Variants in EPHA6 observed in about 807,000 individuals in gnomAD.
EPHA6 encodes ephrin type-A receptor 6.
Under a neutral mutation model 112.0 loss-of-function variants are expected in EPHA6, and 50 were observed. That is an observed-to-expected ratio of 0.45 (90% CI 0.36 to 0.56). EPHA6 has a LOEUF of 0.56. Ranked by LOEUF, EPHA6 falls within the 20% of genes least tolerant of loss-of-function variation. The pLI, the probability that EPHA6 is intolerant of heterozygous loss-of-function variation, is 0.00. For missense variants in EPHA6, 1,280 were observed against 1,417.4 expected (o/e 0.90, Z 1.56); for synonymous variants, 529 against 490.7 (o/e 1.08, Z -1.03).
At chr3:96,933,972 C>T (rs1043009076) in intron 2 of EPHA6, among the ~76,000 whole-genome samples, 8 of 151,844 alleles carry the variant, frequency 5.3e-5, no homozygotes, top group African/African-American at 1.2e-4. Flanking sequence ...ATGAAAAAGG[C>T]TCTGAAGTGA....
chr3:97,257,981 T>C (rs1163119049), intron 5 of EPHA6, among the ~76,000 whole-genome samples: 8 of 152,054 alleles, frequency 5.3e-5, no homozygotes, highest in African/African-American at 1.9e-4. Context: ...TTTTTCTCTG[T>C]GTGGTGTGTT....
chr3:97,092,916 A>C (rs367969797), intron 3 of EPHA6, among the ~76,000 whole-genome samples: 1 of 152,114 alleles, frequency 6.6e-6, no homozygotes, highest in Non-Finnish European at 1.5e-5. Context: ...GCAGCTCTCC[A>C]ACACAGCATG....
intron 12 of EPHA6, among the ~76,000 whole-genome samples, chr3:97,610,166 C>T (rs1380397957): frequency 6.6e-6 from 1 of 151,554 alleles, no homozygotes; most frequent in Non-Finnish European, 1.5e-5. Flanking sequence ...CATCATTGCT[C>T]TGTTGATTAA....
Position 96,987,894 on chromosome 3 carries a change from A to C in EPHA6, c.1015A>C (p.Thr339Pro). Reference protein sequence around the residue: ...SCVKSAEERDTPKLYCGADGD... With the variant: ...SCVKSAEERDPPKLYCGADGD... Reference sequence around the variant, plus strand: ...TGTGAAGAGTGCTGAAGAGCGTGACACTCCTAAACTGTATTGTGGAGCTGA... The same window carrying C: ...TGTGAAGAGTGCTGAAGAGCGTGACCCTCCTAAACTGTATTGTGGAGCTGA... Residue 339 changes from threonine (T) to proline (P), a missense_variant, in exon 3 of 18, where the codon ACT (threonine) becomes CCT (proline). Thr to Pro is a conservative substitution (Grantham distance 38). Coordinates refer to ENST00000389672, the MANE Select transcript of EPHA6 (RefSeq NM_001080448.3). 6.2e-7 allele frequency: 1 copy of C among 1,613,624 alleles called. No individual in the cohort carries two copies. The highest frequency in any genetic ancestry group is 8.5e-7 in the Non-Finnish European group (1 of 1,179,784).
intron 1 of EPHA6, among the ~76,000 whole-genome samples, chr3:96,821,097 T>C (rs972279318): frequency 3.3e-5 from 5 of 151,978 alleles, no homozygotes; most frequent in Non-Finnish European, 5.9e-5. Flanking sequence ...GGATATGTGA[T>C]ATTTTTGGGG....
At chr3:96,956,914 TC>T (rs1446638219) in intron 2 of EPHA6, among the ~76,000 whole-genome samples, 1 of 151,664 alleles carries the variant, frequency 6.6e-6, no homozygotes, top group East Asian at 1.9e-4. Context: ...GTGCCTGTAG[TC>T]CCAGATACTC....
chr3:97,060,410 G>T (rs1014018930), intron 3 of EPHA6, among the ~76,000 whole-genome samples: 8 of 152,082 alleles, frequency 5.3e-5, no homozygotes, highest in African/African-American at 1.9e-4. Flanking sequence ...TTCATCAAAT[G>T]AACATATATA....
chr3:96,947,586 C>T (rs986489518), intron 2 of EPHA6, among the ~76,000 whole-genome samples: 3 of 152,098 alleles, frequency 2.0e-5, no homozygotes, highest in Non-Finnish European at 2.9e-5. Flanking sequence ...AAATCACAAG[C>T]ATTCTTATAC....
At chr3:97,636,125 G>A (rs2093942783) in intron 13 of EPHA6, among the ~76,000 whole-genome samples, 1 of 152,012 alleles carries the variant, frequency 6.6e-6, no homozygotes, top group Non-Finnish European at 1.5e-5. Flanking sequence ...TGTAGATAAG[G>A]AAACAGACAC....
chr3:96,995,686 A>T (rs1472200781), intron 3 of EPHA6, among the ~76,000 whole-genome samples: 1 of 152,188 alleles, frequency 6.6e-6, no homozygotes, highest in African/African-American at 2.4e-5. Flanking sequence ...TATTTACACT[A>T]TTATTGTCTA....
chr3:96,985,075 G>A (rs1346531348), intron 2 of EPHA6, among the ~76,000 whole-genome samples: 3 of 152,070 alleles, frequency 2.0e-5, no homozygotes, highest in Admixed American at 6.6e-5. Flanking sequence ...ACTGTCTGAC[G>A]AGCCCCATTG....
intron 5 of EPHA6, among the ~76,000 whole-genome samples, chr3:97,255,404 T>A (rs1279687365): frequency 6.6e-6 from 1 of 152,174 alleles, no homozygotes; most frequent in Admixed American, 6.6e-5. Flanking sequence ...TCCCAAATAA[T>A]GTGCAGGTAG....
At chr3:97,125,555 T>A (rs2048160957) in intron 3 of EPHA6, among the ~76,000 whole-genome samples, 1 of 152,206 alleles carries the variant, frequency 6.6e-6, no homozygotes, top group Non-Finnish European at 1.5e-5. Context: ...TTGATTTGTC[T>A]CTGGCTTGTT....
At chr3:97,094,845 G>C (rs1387704350) in intron 3 of EPHA6, among the ~76,000 whole-genome samples, 1 of 152,120 alleles carries the variant, frequency 6.6e-6, no homozygotes, top group African/African-American at 2.4e-5. Context: ...AAATGTTAAA[G>C]AGTGTAGCCT....
At chr3:97,011,506 G>T (rs970471404) in intron 3 of EPHA6, among the ~76,000 whole-genome samples, 3 of 152,148 alleles carry the variant, frequency 2.0e-5, no homozygotes, top group African/African-American at 7.2e-5. Flanking sequence ...GAGTAAGCTA[G>T]CAAACTGGCT....
intron 7 of EPHA6, among the ~76,000 whole-genome samples, chr3:97,451,159 A>G (rs1216108914): frequency 2.0e-5 from 3 of 152,032 alleles, no homozygotes; most frequent in Non-Finnish European, 2.9e-5. Context: ...TTTTAGCCAT[A>G]TTAAGGATAT....
chr3:97,553,596 C>T (rs901930866), intron 11 of EPHA6, among the ~76,000 whole-genome samples: 4 of 152,136 alleles, frequency 2.6e-5, no homozygotes, highest in East Asian at 1.9e-4. Flanking sequence ...CTCATGAGAA[C>T]GCTTCACTAT....
chr3:96,990,375 A>G (rs939397037), intron 3 of EPHA6, among the ~76,000 whole-genome samples: 3 of 151,702 alleles, frequency 2.0e-5, no homozygotes, highest in African/African-American at 7.2e-5. Flanking sequence ...TGTTATCTTT[A>G]TTATCCTTTA....
rs539989302 is a variant in EPHA6, at chr3:97,562,848, C to G, written c.2387-29764C>G. On this transcript the variant is annotated intron_variant, in intron 11 of 17. Transcript: ENST00000389672. ...AACGTTCGGATACATCAGCAGCCAT[C>G]AACATCAAGGCAACACCCTCCACCA... 5.3e-5 allele frequency among the ~76,000 whole-genome samples: 8 copies of G among 152,230 alleles called. No individual in the cohort carries two copies. In the South Asian group the frequency reaches 1.5e-3, roughly 28 times the overall value.
Sources: gnomAD v4.1 joint callset for allele counts (sites outside exome capture counted in the v4.1 genomes callset) on GRCh38, gnomAD v4.1.1 for gene constraint, MANE v1.5 for transcripts, NCBI Gene and HGNC (gene_info 2026-07-23, HGNC 2026-07-21) for gene names.